The following ABCC4 variants were observed in gnomAD, a reference collection of about 807,000 sequenced individuals.
ABCC4 encodes ATP-binding cassette sub-family C member 4.
In ABCC4, 102 loss-of-function variants were observed where a neutral mutation model predicts 168.5. The ratio of observed to expected loss-of-function variants is 0.61; its 90% CI spans 0.52 to 0.71. The LOEUF (loss-of-function observed/expected upper bound fraction) is 0.71. Among genes scored for constraint, ABCC4 ranks in the 30% least tolerant of loss-of-function variants. The pLI is 0.00. For synonymous variants in ABCC4, 617 were observed against 590.7 expected, an observed-to-expected ratio of 1.04 and a Z score of -0.65; for missense variants, 1,402 against 1,605.8, an observed-to-expected ratio of 0.87 and a Z score of 2.17.
intron 12 of ABCC4, 27 bp from the exon 13 acceptor site, chr13:95,177,820 T>A (rs1412253351): frequency 1.3e-6 from 2 of 1,588,504 alleles, no homozygotes; most frequent in Non-Finnish European, 1.7e-6. Flanking sequence ...GGTATCAGAC[T>A]CTCACCCAGG....
At chr13:95,219,116 T>TA in intron 4 of ABCC4, among the ~76,000 whole-genome samples, 1 of 152,124 alleles carries the variant, frequency 6.6e-6, no homozygotes, top group East Asian at 1.9e-4. Context: ...ACAATCTAAT[T>TA]AGTCAATTCT....
intron 19 of ABCC4, among the ~76,000 whole-genome samples, chr13:95,143,599 T>C (rs2036390115): frequency 6.6e-6 from 1 of 152,156 alleles, no homozygotes; most frequent in Admixed American, 6.5e-5. Context: ...AAAATGTTCA[T>C]ACCAAAGACA....
At chr13:95,216,946 A>G (rs929202612) in intron 4 of ABCC4, among the ~76,000 whole-genome samples, 5 of 152,222 alleles carry the variant, frequency 3.3e-5, no homozygotes, top group Non-Finnish European at 5.9e-5. Flanking sequence ...TATTTGTAAT[A>G]TACAAAAACT....
chr13:95,092,490 T>G (rs1227997757), intron 20 of ABCC4, among the ~76,000 whole-genome samples: 1 of 152,028 alleles, frequency 6.6e-6, no homozygotes, highest in Non-Finnish European at 1.5e-5. Flanking sequence ...GGGTCAAAAA[T>G]GAAATCAAGA....
intron 7 of ABCC4, 23 bp downstream of exon 7, chr13:95,207,777 G>A (rs773645569): frequency 6.9e-6 from 11 of 1,602,582 alleles, no homozygotes; most frequent in Non-Finnish European, 9.4e-6. Context: ...CAAAAATATG[G>A]TACAATGTAT....
At position 95,021,602 on chromosome 13, in the gene ABCC4, G is replaced by T; in HGVS notation, c.3951C>A (p.Thr1317=). ...ACAGTGCTGTCTCGAAAATAGTTAA[G>T]GTCGAGGGCTGTCCATTGGAAGTGT... ...VTNTSNGQPS[T]LTIFETAL Residue 1317 remains threonine (T), a synonymous_variant, in exon 31 of 31, where the codon ACC becomes ACA. Coordinates refer to ENST00000645237, the MANE Select transcript of ABCC4 (RefSeq NM_005845.5). 3 of 1,612,422 alleles carry T rather than the reference G, an allele frequency of 1.9e-6. No homozygotes were observed. Among genetic ancestry groups the T allele is most frequent in the South Asian group, 1.1e-5 (1 of 90,998 alleles).
intron 4 of ABCC4, among the ~76,000 whole-genome samples, chr13:95,222,608 G>A (rs1189898163): frequency 1.3e-5 from 2 of 152,228 alleles, no homozygotes; most frequent in Admixed American, 1.3e-4. Flanking sequence ...GAGAGCTGGT[G>A]CTGAGGAGGA....
intron 10 of ABCC4, among the ~76,000 whole-genome samples, chr13:95,187,158 T>G (rs909603138): frequency 6.6e-6 from 1 of 152,158 alleles, no homozygotes; most frequent in East Asian, 1.9e-4. Flanking sequence ...CTAAATGAAA[T>G]GGTACACGGA....
chr13:95,223,844 A>C (rs1321598605), intron 4 of ABCC4, among the ~76,000 whole-genome samples: 1 of 152,186 alleles, frequency 6.6e-6, no homozygotes, highest in Non-Finnish European at 1.5e-5. Context: ...TAGAGCTGCA[A>C]TACTGAAATG....
At chr13:95,114,944 T>C (rs990832646) in intron 20 of ABCC4, among the ~76,000 whole-genome samples, 1 of 152,142 alleles carries the variant, frequency 6.6e-6, no homozygotes, top group African/African-American at 2.4e-5. Flanking sequence ...ATTCAGCTAA[T>C]GATTACAACT....
intron 1 of ABCC4, among the ~76,000 whole-genome samples, chr13:95,254,649 G>A (rs2040350335): frequency 6.6e-6 from 1 of 152,148 alleles, no homozygotes; most frequent in African/African-American, 2.4e-5. Flanking sequence ...GTCACTCTTT[G>A]ATAGGACACA....
intron 1 of ABCC4, among the ~76,000 whole-genome samples, chr13:95,287,802 G>A (rs1366892501): frequency 6.6e-6 from 1 of 151,652 alleles, no homozygotes. Flanking sequence ...CAGCACTTTG[G>A]GAGGCCAAGG....
At chr13:95,137,037 G>A (rs535728836) in intron 19 of ABCC4, among the ~76,000 whole-genome samples, 24 of 152,304 alleles carry the variant, frequency 1.6e-4, no homozygotes, top group African/African-American at 5.5e-4. Flanking sequence ...CAGATGGTAG[G>A]CATAAAGGTA....
chr13:95,221,220 C>T (rs1021941780), intron 4 of ABCC4, among the ~76,000 whole-genome samples: 1 of 151,892 alleles, frequency 6.6e-6, no homozygotes, highest in Non-Finnish European at 1.5e-5. Flanking sequence ...GCAAAAATTA[C>T]AAATTTTATG....
At chr13:95,255,541 C>T (rs2040372175) in intron 1 of ABCC4, among the ~76,000 whole-genome samples, 1 of 152,212 alleles carries the variant, frequency 6.6e-6, no homozygotes. Context: ...GGTCCCAACC[C>T]AGCTTATCTC....
intron 3 of ABCC4, among the ~76,000 whole-genome samples, chr13:95,237,875 A>C (rs2039818206): frequency 6.6e-6 from 1 of 152,080 alleles, no homozygotes; most frequent in Non-Finnish European, 1.5e-5. Context: ...AGCTGTGGAA[A>C]AATGAGTAAG....
chr13:95,128,572 C>G (rs556857106), intron 19 of ABCC4, among the ~76,000 whole-genome samples: 4 of 152,162 alleles, frequency 2.6e-5, no homozygotes, highest in Non-Finnish European at 5.9e-5. Context: ...AAGAGCTGGA[C>G]AGCTGACCAC....
At chr13:95,219,620 T>C (rs2039255871) in intron 4 of ABCC4, among the ~76,000 whole-genome samples, 1 of 152,030 alleles carries the variant, frequency 6.6e-6, no homozygotes. Context: ...AATCCTCCTG[T>C]CTCAGCCTCC....
intron 4 of ABCC4, among the ~76,000 whole-genome samples, chr13:95,212,449 A>G (rs1456978871): frequency 6.6e-6 from 1 of 152,250 alleles, no homozygotes; most frequent in Admixed American, 6.5e-5. Context: ...TTAAAAAAAT[A>G]AAAGCAAAAT....
Sources: gnomAD v4.1 joint callset for allele counts (sites outside exome capture counted in the v4.1 genomes callset) on GRCh38, gnomAD v4.1.1 for gene constraint, MANE v1.5 for transcripts, NCBI Gene and HGNC (gene_info 2026-07-23, HGNC 2026-07-21) for gene names.